Variants in CDYL observed in about 807,000 individuals in gnomAD.
CDYL encodes chromodomain Y-like protein.
CDYL carries 8 observed loss-of-function variants against 47.3 expected under a neutral mutation model. The ratio of observed to expected loss-of-function variants is 0.17; its 90% CI spans 0.10 to 0.31. The LOEUF (loss-of-function observed/expected upper bound fraction) is 0.31. Ranked by LOEUF, CDYL falls within the 10% of genes least tolerant of loss-of-function variation. The probability of loss-of-function intolerance (pLI) is 1.00; values close to 1 mark genes in which losing one functional copy is unlikely to be tolerated. For synonymous variants in CDYL, 266 were observed against 265.0 expected (o/e 1.00, Z -0.04); for missense variants, 471 against 701.4 (o/e 0.67, Z 3.71).
intron 3 of CDYL, among the ~76,000 whole-genome samples, chr6:4,771,350 G>T (rs529857962): frequency 6.6e-6 from 1 of 152,276 alleles, no homozygotes; most frequent in Admixed American, 6.5e-5. Flanking sequence ...CTGAGCTCAG[G>T]TGATCCACCT....
chr6:4,953,600 C>T (rs1040882469), intron 6 of CDYL, among the ~76,000 whole-genome samples: 5 of 152,182 alleles, frequency 3.3e-5, no homozygotes, highest in East Asian at 1.9e-4. Context: ...ACGTCCAGTT[C>T]GGGGGTCCAC....
chr6:4,716,489 TGACCTGA>T (rs1434524940), intron 2 of CDYL, among the ~76,000 whole-genome samples: 1 of 152,152 alleles, frequency 6.6e-6, no homozygotes, highest in African/African-American at 2.4e-5. Flanking sequence ...TAACTTTTAA[TGACCTGA>T]GACATCGTTG....
At chr6:4,839,107 T>A (rs2127458000) in intron 1 of CDYL, among the ~76,000 whole-genome samples, 1 of 152,370 alleles carries the variant, frequency 6.6e-6, no homozygotes, top group East Asian at 1.9e-4. Context: ...ATTTTTCGAT[T>A]ATGACCATCT....
Position 4,787,765 on chromosome 6 carries a change from CTTT to C in CDYL, c.24+10979_24+10981del, listed in dbSNP as rs70974136. Among the ~76,000 whole-genome samples, 385 of 69,438 alleles carry C rather than the reference CTTT, an allele frequency of 5.5e-3. 5 individuals are homozygous for C. In the East Asian group the frequency reaches 0.059, roughly 11 times the overall value. 45.6% of individuals were successfully genotyped at this position (69,438 alleles called of 152,430 possible). On this transcript the variant is annotated intron_variant, in intron 1 of 6. Coordinates refer to ENST00000397588, the MANE Select transcript of CDYL (RefSeq NM_004824.4). ...GGACAGGCTGCTCTGAAATTCAAGT[CTTT>C]TTTTTTTTTTTTTTTTTTTTGGGAG...
chr6:4,921,968 C>A (rs779289760), intron 2 of CDYL, among the ~76,000 whole-genome samples: 1 of 152,112 alleles, frequency 6.6e-6, no homozygotes, highest in Non-Finnish European at 1.5e-5. Context: ...ATTTTTCCAC[C>A]ACTTTTCTTT....
chr6:4,932,691 G>A (rs1452776087), intron 2 of CDYL, among the ~76,000 whole-genome samples: 1 of 152,208 alleles, frequency 6.6e-6, no homozygotes, highest in African/African-American at 2.4e-5. Context: ...AATGCCCAGA[G>A]TCTCCACGTC....
In CDYL at chr6:4,776,641, G is replaced by C. The variant is rs1758459405; in HGVS notation, c.-143G>C. The C allele has an allele frequency of 1.6e-6, 1 of 613,438 alleles. No individual in the cohort carries two copies. The highest frequency in any genetic ancestry group is 2.3e-6 in the Non-Finnish European group (1 of 438,040). The allele number at this position is 613,438 out of a possible 1,614,324, so 38.0% of individuals were successfully genotyped here. On this transcript the variant is annotated 5_prime_UTR_variant, in exon 1 of 7. Transcript: ENST00000397588. Reference sequence around the variant, plus strand: ...CCCGCACTGGCCGCGGAGTGCAAGAGGCTCGTCCGTGCCCAGCGCCCGGCC... The same window carrying C: ...CCCGCACTGGCCGCGGAGTGCAAGACGCTCGTCCGTGCCCAGCGCCCGGCC...
Position 4,921,819 on chromosome 6 carries a change from TC to T in CDYL, c.692-13695del, listed in dbSNP as rs545063369. 1.3e-3 allele frequency among the ~76,000 whole-genome samples: 197 copies of T among 152,162 alleles called. 1 individual carries two copies. Among genetic ancestry groups the T allele is most frequent in the African/African-American group, 4.5e-3 (188 of 41,496 alleles). ...ACTTTTTTTTTTTAACCAATTACATTCAAAAAATACTTATTGAGCACCAACT... is the reference window on the plus strand; with the variant it reads ...ACTTTTTTTTTTTAACCAATTACATTAAAAAATACTTATTGAGCACCAACT... On this transcript the variant is annotated intron_variant, in intron 2 of 6. Transcript: ENST00000397588.
intron 3 of CDYL, 81 bp downstream of exon 3, chr6:4,935,852 TC>T (rs1581277605): frequency 7.6e-6 from 12 of 1,576,730 alleles, no homozygotes; most frequent in South Asian, 1.2e-5. Context: ...AACTGGCTCT[TC>T]CTGTGCTCTT....
rs563296290 is a variant in CDYL at position 4,935,211 on chromosome 6, A to G, written c.692-304A>G. On this transcript the variant is annotated intron_variant, in intron 2 of 6. Coordinates refer to ENST00000397588, the MANE Select transcript of CDYL (RefSeq NM_004824.4). ...GGAATAGATACTCTCCATGAGACCCATTCTGTCTTGATTCTGTCCTTTAAA... is the reference window on the plus strand; with the variant it reads ...GGAATAGATACTCTCCATGAGACCCGTTCTGTCTTGATTCTGTCCTTTAAA... Among the ~76,000 whole-genome samples the G allele has an allele frequency of 1.3e-3, 199 of 152,282 alleles. 3 individuals are homozygous for G. The South Asian group carries it at 0.02, about 16-fold the overall frequency.
intron 2 of CDYL, among the ~76,000 whole-genome samples, chr6:4,917,991 C>G (rs1314170977): frequency 1.3e-5 from 2 of 152,190 alleles, no homozygotes; most frequent in Non-Finnish European, 2.9e-5. Context: ...ATTCATGTAT[C>G]TACCCAAGAT....
chr6:4,925,420 T>TC, intron 2 of CDYL, among the ~76,000 whole-genome samples: 1 of 145,458 alleles, frequency 6.9e-6, no homozygotes, highest in East Asian at 2.0e-4. Context: ...TTTTTTTTTT[T>TC]TTTTTTTTTG....
chr6:4,894,929 A>ATGTGTGTATT (rs1416449676), intron 2 of CDYL, among the ~76,000 whole-genome samples: 1 of 17,606 alleles, frequency 5.7e-5, no homozygotes, highest in Non-Finnish European at 1.1e-3. Context: ...ACACATATGT[A>ATGTGTGTATT]TGTGTGTATA....
At chr6:4,774,390 T>G (rs1235894134), upstream of CDYL, 2 of 152,198 alleles carry the variant, frequency 1.3e-5, no homozygotes, top group Admixed American at 6.5e-5. Flanking sequence ...GTTGATAAAT[T>G]GGTAAACCTA....
intron 1 of CDYL, among the ~76,000 whole-genome samples, chr6:4,827,207 T>C (rs1760005005): frequency 6.6e-6 from 1 of 152,232 alleles, no homozygotes; most frequent in South Asian, 2.1e-4. Flanking sequence ...GAGTTTCCTG[T>C]AGATAACATA....
At chr6:4,832,544 G>T (rs1382050630) in intron 1 of CDYL, among the ~76,000 whole-genome samples, 2 of 150,752 alleles carry the variant, frequency 1.3e-5, no homozygotes, top group East Asian at 3.9e-4. Context: ...TCTCTTTTTT[G>T]GTTGTGTCTC....
intron 5 of CDYL, among the ~76,000 whole-genome samples, chr6:4,945,234 G>A (rs1385134177): frequency 1.3e-5 from 2 of 152,208 alleles, no homozygotes; most frequent in Non-Finnish European, 2.9e-5. Flanking sequence ...AAGATGTTAT[G>A]TGACATTTTT....
intron 1 of CDYL, among the ~76,000 whole-genome samples, chr6:4,841,266 G>A (rs1760481338): frequency 6.6e-6 from 1 of 152,002 alleles, no homozygotes; most frequent in Admixed American, 6.6e-5. Context: ...TATCTCCTGT[G>A]TGAATTCTAG....
At chr6:4,712,850 C>G (rs756474017) in intron 1 of CDYL, among the ~76,000 whole-genome samples, 2 of 152,174 alleles carry the variant, frequency 1.3e-5, no homozygotes, top group Non-Finnish European at 2.9e-5. Flanking sequence ...TGCCATTTAC[C>G]AAGTATGTAC....
Sources: gnomAD v4.1 joint callset for allele counts (sites outside exome capture counted in the v4.1 genomes callset) on GRCh38, gnomAD v4.1.1 for gene constraint, MANE v1.5 for transcripts, NCBI Gene and HGNC (gene_info 2026-07-23, HGNC 2026-07-21) for gene names.